The following GAN variants were observed in gnomAD, a reference collection of about 807,000 sequenced individuals.
GAN encodes gigaxonin.
Under a neutral mutation model 71.3 loss-of-function variants are expected in GAN, and 48 were observed. That is an observed-to-expected ratio of 0.67 (90% CI 0.53 to 0.86). The LOEUF is 0.86. GAN is among the 40% of genes least tolerant of loss of function. GAN has a pLI of 0.00. For missense variants in GAN, 928 were observed against 770.1 expected (o/e 1.21, Z -2.43); for synonymous variants, 386 against 276.8 (o/e 1.39, Z -3.92).
At chr16:81,370,217 C>G (rs28561847) in intron 9 of GAN, among the ~76,000 whole-genome samples, 2 of 152,168 alleles carry the variant, frequency 1.3e-5, no homozygotes, top group Non-Finnish European at 2.9e-5. Flanking sequence ...AAACATCTCA[C>G]TGGTCTACCC....
chr16:81,324,226 C>A (rs1218583915), intron 1 of GAN, among the ~76,000 whole-genome samples: 1 of 152,166 alleles, frequency 6.6e-6, no homozygotes, highest in South Asian at 2.1e-4. Flanking sequence ...CTCTAATATG[C>A]CCGTTTGTTC....
rs1270635719 is a variant in GAN at position 81,388,961 on chromosome 16, C to G, written c.*11365C>G. 1 of 152,124 alleles carries G rather than the reference C, an allele frequency of 6.6e-6. No individual in the cohort carries two copies. The highest frequency in any genetic ancestry group is 6.6e-5 in the Admixed American group (1 of 15,256). 9.4% of individuals were successfully genotyped at this position (152,124 alleles called of 1,614,324 possible). On this transcript the variant is annotated 3_prime_UTR_variant, in exon 11 of 11. Coordinates refer to ENST00000648994, the MANE Select transcript of GAN (RefSeq NM_022041.4). ...TCTAGCATATGCTCATTGAAATTGA[C>G]TTATGTTTTATTTTAAAAAATCATG... is the stretch of plus-strand genomic sequence containing the variant.
intron 3 of GAN, 106 bp downstream of exon 3, chr16:81,354,861 C>A: frequency 2.8e-6 from 2 of 713,034 alleles, no homozygotes; most frequent in Non-Finnish European, 4.9e-6. Flanking sequence ...TACGATGCAG[C>A]AATCTAAAAG....
At chr16:81,351,792 T>C (rs1910309263) in intron 2 of GAN, 95 bp downstream of exon 2, 1 of 764,512 alleles carries the variant, frequency 1.3e-6, no homozygotes, top group Non-Finnish European at 2.4e-6. Flanking sequence ...AAAGTAGCAC[T>C]GTCATCTTCA....
At chr16:81,350,209 T>C (rs964125745) in intron 1 of GAN, among the ~76,000 whole-genome samples, 6 of 152,058 alleles carry the variant, frequency 3.9e-5, no homozygotes, top group South Asian at 2.1e-4. Flanking sequence ...ACAAGAAACA[T>C]GAACAAACGT....
At chr16:81,367,912 T>A (rs1910914024) in intron 9 of GAN, among the ~76,000 whole-genome samples, 1 of 152,146 alleles carries the variant, frequency 6.6e-6, no homozygotes, top group South Asian at 2.1e-4. Flanking sequence ...TAACTATCGA[T>A]AGAACAAAAT....
chr16:81,380,274 G>C lies in GAN; in HGVS notation c.*2678G>C, dbSNP rs192723252. 1.2e-4 allele frequency: 19 copies of C among 152,638 alleles called. No individual in the cohort carries two copies. The highest frequency in any genetic ancestry group is 3.3e-4 in the Admixed American group (5 of 15,296). 9.5% of individuals were successfully genotyped at this position (152,638 alleles called of 1,614,324 possible). A position where few individuals can be genotyped will look rare whatever the true frequency, so the allele number is the denominator to read the frequency against. The stretch of plus-strand genomic sequence containing the variant: ...CTTTCTTGATAAGGCACTTTTACCA[G>C]GTGTGTGTTGGAATTGGTGGCTCAG... On this transcript the variant is annotated 3_prime_UTR_variant, in exon 11 of 11. Transcript: ENST00000648994.
intron 1 of GAN, among the ~76,000 whole-genome samples, chr16:81,348,987 A>C (rs1251466605): frequency 1.3e-5 from 2 of 151,982 alleles, no homozygotes; most frequent in East Asian, 3.9e-4. Flanking sequence ...CTACCCTCAA[A>C]TGTGCCTGGT....
At chr16:81,374,814 C>A (rs1290606015) in intron 9 of GAN, among the ~76,000 whole-genome samples, 1 of 152,162 alleles carries the variant, frequency 6.6e-6, no homozygotes, top group Non-Finnish European at 1.5e-5. Flanking sequence ...AGCCTCAAAT[C>A]CTTTTAGTGG....
At chr16:81,353,437 A>G (rs310037) in intron 2 of GAN, among the ~76,000 whole-genome samples, 136,350 of 152,230 alleles carry the variant, frequency 0.9, 61,270 homozygotes, top group African/African-American at 0.97. Context: ...GTGGCTAAAT[A>G]TAATGTCATA....
At chr16:81,330,886 A>T (rs573312552) in intron 1 of GAN, among the ~76,000 whole-genome samples, 1 of 152,306 alleles carries the variant, frequency 6.6e-6, no homozygotes, top group East Asian at 1.9e-4. Flanking sequence ...TGTATCTGCT[A>T]AAAATGCATA....
In GAN at chr16:81,383,203, A is replaced by G. The variant is rs1362063943; in HGVS notation, c.*5607A>G. The G allele has an allele frequency of 1.4e-5, 2 of 144,770 alleles. No individual in the cohort carries two copies. Among genetic ancestry groups the G allele is most frequent in the East Asian group, 2.0e-4 (1 of 4,912 alleles). 9.0% of individuals were successfully genotyped at this position (144,770 alleles called of 1,614,324 possible). A position where few individuals can be genotyped will look rare whatever the true frequency, so the allele number is the denominator to read the frequency against. ...TTAAACATCAAATAAATAAAACTAC[A>G]TTATATAATTATTTAGTCAGAAATG... On this transcript the variant is annotated 3_prime_UTR_variant, in exon 11 of 11. Coordinates refer to ENST00000648994, the MANE Select transcript of GAN (RefSeq NM_022041.4).
At chr16:81,329,936 C>T (rs1442993783) in intron 1 of GAN, among the ~76,000 whole-genome samples, 1 of 152,228 alleles carries the variant, frequency 6.6e-6, no homozygotes, top group Non-Finnish European at 1.5e-5. Flanking sequence ...CTCCCCCAGC[C>T]AGTGGGCTGT....
chr16:81,317,815 T>C (rs562888617), intron 1 of GAN, among the ~76,000 whole-genome samples: 3 of 152,370 alleles, frequency 2.0e-5, no homozygotes, highest in Admixed American at 6.5e-5. Context: ...CACTTTTACA[T>C]ACTGTGTCAT....
At chr16:81,373,714 GTTTGC>G (rs1904274501) in intron 9 of GAN, among the ~76,000 whole-genome samples, 1 of 152,118 alleles carries the variant, frequency 6.6e-6, no homozygotes, top group Non-Finnish European at 1.5e-5. Context: ...CAGATACTGT[GTTTGC>G]TTAGACTCCT....
rs1308808809 is a variant in GAN at position 81,377,854 on chromosome 16, A to G, written c.*258A>G. ...GATGTTGGAGGCTAGGGAGGCTAGTAAATATCAAAAGGAAAAGGGAGTGGG... is the reference window on the plus strand; with the variant it reads ...GATGTTGGAGGCTAGGGAGGCTAGTGAATATCAAAAGGAAAAGGGAGTGGG... On this transcript the variant is annotated 3_prime_UTR_variant, in exon 11 of 11. Coordinates refer to ENST00000648994, the MANE Select transcript of GAN (RefSeq NM_022041.4). 1.9e-6 allele frequency: 1 copy of G among 527,868 alleles called. No homozygotes were observed. The highest frequency in any genetic ancestry group is 1.9e-5 in the African/African-American group (1 of 52,612). 32.7% of individuals were successfully genotyped at this position (527,868 alleles called of 1,614,324 possible).
At chr16:81,330,827 G>C (rs1909551629) in intron 1 of GAN, among the ~76,000 whole-genome samples, 1 of 152,214 alleles carries the variant, frequency 6.6e-6, no homozygotes, top group South Asian at 2.1e-4. Flanking sequence ...AGCATCATTA[G>C]AACAAGACAT....
intron 9 of GAN, among the ~76,000 whole-genome samples, chr16:81,372,208 C>T (rs1244652024): frequency 6.6e-6 from 1 of 152,226 alleles, no homozygotes; most frequent in South Asian, 2.1e-4. Context: ...TTATAGCCCC[C>T]ATGTACTGAC....
intron 1 of GAN, among the ~76,000 whole-genome samples, chr16:81,338,489 G>T (rs1368154505): frequency 6.6e-6 from 1 of 152,068 alleles, no homozygotes; most frequent in African/African-American, 2.4e-5. Context: ...GTTATATGTG[G>T]CAGAGATAAA....
Sources: gnomAD v4.1 joint callset for allele counts (sites outside exome capture counted in the v4.1 genomes callset) on GRCh38, gnomAD v4.1.1 for gene constraint, MANE v1.5 for transcripts, NCBI Gene and HGNC (gene_info 2026-07-23, HGNC 2026-07-21) for gene names.